The following TNS3 variants were observed in gnomAD, a reference collection of about 807,000 sequenced individuals.
The protein encoded by TNS3 is tensin 3.
In TNS3, 45 loss-of-function variants were observed where a neutral mutation model predicts 140.9. That is an observed-to-expected ratio of 0.32 (90% CI 0.25 to 0.41). The LOEUF is 0.41. Among genes scored for constraint, TNS3 ranks in the 10% least tolerant of loss-of-function variants. TNS3 has a pLI of 1.00. For synonymous variants in TNS3, 815 were observed against 788.4 expected (o/e 1.03, Z -0.56); for missense variants, 1,716 against 1,906.7 (o/e 0.90, Z 1.86).
intron 1 of TNS3, chr7:47,539,597 A>G (rs1425274536): frequency 6.1e-6 from 1 of 165,232 alleles, no homozygotes; most frequent in African/African-American, 2.4e-5. Context: ...GCAGTTTCCC[A>G]TTCTCCTTTC....
At chr7:47,567,683 C>CA (rs57071957) in intron 1 of TNS3, among the ~76,000 whole-genome samples, 8,900 of 84,484 alleles carry the variant, frequency 0.11, 1,041 homozygotes, top group African/African-American at 0.29. Flanking sequence ...GACTCGGTCT[C>CA]AAAAAAAAAA....
intron 17 of TNS3, among the ~76,000 whole-genome samples, chr7:47,363,985 C>T (rs1191800054): frequency 1.3e-5 from 2 of 152,240 alleles, no homozygotes; most frequent in Non-Finnish European, 2.9e-5. Flanking sequence ...GGATCTAGGA[C>T]ACCTTCAAAG....
intron 20 of TNS3, among the ~76,000 whole-genome samples, chr7:47,319,266 C>G (rs557131990): frequency 7.2e-4 from 109 of 152,324 alleles, no homozygotes; most frequent in Admixed American, 1.1e-3. Flanking sequence ...CATTGATGTG[C>G]ACTCTGCACA....
chr7:47,297,281 C>A, intron 23 of TNS3, 68 bp from the exon 24 acceptor site: 3 of 1,525,316 alleles, frequency 2.0e-6, no homozygotes, highest in Non-Finnish European at 2.6e-6. Flanking sequence ...CACTCATAAC[C>A]TTGGGTAGGT....
At chr7:47,483,550 G>A (rs1402909185) in intron 3 of TNS3, among the ~76,000 whole-genome samples, 1 of 152,178 alleles carries the variant, frequency 6.6e-6, no homozygotes, top group African/African-American at 2.4e-5. Flanking sequence ...CTCTCTGGAA[G>A]CACACGTTTG....
chr7:47,278,369 G>T, intron 30 of TNS3, 149 bp from the exon 31 acceptor site: 1 of 828,072 alleles, frequency 1.2e-6, no homozygotes, highest in African/African-American at 1.7e-5. Flanking sequence ...CTGGCCACCT[G>T]TTCATGCACT....
intron 4 of TNS3, among the ~76,000 whole-genome samples, chr7:47,445,787 A>G (rs1271548044): frequency 6.6e-6 from 1 of 152,200 alleles, no homozygotes; most frequent in African/African-American, 2.4e-5. Flanking sequence ...CAGGCCCCAT[A>G]CTGAACTGGA....
At chr7:47,314,713 G>A (rs929049636) in intron 20 of TNS3, among the ~76,000 whole-genome samples, 1 of 152,206 alleles carries the variant, frequency 6.6e-6, no homozygotes, top group African/African-American at 2.4e-5. Context: ...TCAGGTGCCT[G>A]TATCCTCAGC....
intron 16 of TNS3, among the ~76,000 whole-genome samples, chr7:47,388,994 A>C (rs373926684): frequency 0.02 from 390 of 19,870 alleles, 45 homozygotes; most frequent in Non-Finnish European, 0.11. Context: ...GAGGAAGAAG[A>C]AGAAGAAGGA....
At chr7:47,538,488 C>A (rs988248875) in intron 1 of TNS3, among the ~76,000 whole-genome samples, 1 of 152,158 alleles carries the variant, frequency 6.6e-6, no homozygotes, top group East Asian at 1.9e-4. Flanking sequence ...AACTTCAGAT[C>A]TACAGCTCCA....
intron 20 of TNS3, among the ~76,000 whole-genome samples, chr7:47,317,850 C>T (rs1787499908): frequency 1.3e-5 from 2 of 152,166 alleles, no homozygotes; most frequent in African/African-American, 2.4e-5. Flanking sequence ...GAGACCCACC[C>T]GCTGAGTGGC....
At chr7:47,576,620 G>C (rs1308950747) in intron 1 of TNS3, among the ~76,000 whole-genome samples, 2 of 152,238 alleles carry the variant, frequency 1.3e-5, no homozygotes, top group African/African-American at 4.8e-5. Flanking sequence ...TGCAGAGCCA[G>C]CCCGGCGCTC....
rs371905169 is a variant in TNS3 at position 47,280,288 on chromosome 7, C to T, written c.4164G>A (p.Arg1388=). 70 of 1,614,022 alleles carry T rather than the reference C, an allele frequency of 4.3e-5. No individual in the cohort carries two copies. Among genetic ancestry groups the T allele is most frequent in the Non-Finnish European group, 5.7e-5 (67 of 1,180,032 alleles). ...VIFCALDPQD[R]KWIKDGPSSK... ...CAATAAAAATGCAAATTTCTTACTT[C>T]CTGTCTTGTGGGTCCAAGGCACAGA... The change falls in exon 29 of 31, where the codon AGG becomes AGA. Residue 1388 remains arginine, a splice_region_variant and synonymous_variant. Coordinates refer to ENST00000311160, the MANE Select transcript of TNS3 (RefSeq NM_022748.12).
intron 4 of TNS3, among the ~76,000 whole-genome samples, chr7:47,457,059 G>A (rs1378575384): frequency 6.8e-6 from 1 of 147,534 alleles, no homozygotes; most frequent in African/African-American, 2.5e-5. Flanking sequence ...AAAATATTCA[G>A]TGTGGGCTCA....
chr7:47,563,916 G>C (rs188842233), intron 1 of TNS3, among the ~76,000 whole-genome samples: 3 of 152,248 alleles, frequency 2.0e-5, no homozygotes, highest in Non-Finnish European at 4.4e-5. Flanking sequence ...ATTTAAGGCC[G>C]GGCGCGGTGG....
At chr7:47,359,839 A>AC (rs1049149363) in intron 17 of TNS3, among the ~76,000 whole-genome samples, 15 of 152,204 alleles carry the variant, frequency 9.9e-5, no homozygotes, top group African/African-American at 3.6e-4. Flanking sequence ...TTGGGCCTGA[A>AC]CCAGTGAAGG....
At chr7:47,341,788 G>C (rs933587519) in intron 20 of TNS3, among the ~76,000 whole-genome samples, 2 of 151,492 alleles carry the variant, frequency 1.3e-5, no homozygotes, top group Admixed American at 1.3e-4. Context: ...CTTTTTCTAG[G>C]TTATGGAGGT....
Position 47,405,864 on chromosome 7 carries a change from G to A in TNS3, c.724-4950C>T, listed in dbSNP as rs528663749. 2.4e-4 allele frequency among the ~76,000 whole-genome samples: 37 copies of A among 152,176 alleles called. No individual in the cohort carries two copies. The South Asian group carries it at 7.1e-3, about 29-fold the overall frequency. On this transcript the variant is annotated intron_variant, in intron 13 of 30. Coordinates refer to ENST00000311160, the MANE Select transcript of TNS3 (RefSeq NM_022748.12). The stretch of plus-strand genomic sequence containing the variant: ...CAGGCAACACCTTTGTTTACAAGTC[G>A]GGTCACTGGAGCGAGGTTCTAGAGC...
At chr7:47,398,125 C>A (rs1392277774) in intron 15 of TNS3, among the ~76,000 whole-genome samples, 1 of 152,004 alleles carries the variant, frequency 6.6e-6, no homozygotes, top group Non-Finnish European at 1.5e-5. Flanking sequence ...AAATAGAAAC[C>A]CTGAACAGAC....
Sources: allele counts gnomAD v4.1 joint callset (sites outside exome capture counted in the v4.1 genomes callset), GRCh38; gene constraint gnomAD v4.1.1; transcripts MANE v1.5; gene names NCBI Gene and HGNC (gene_info 2026-07-23, HGNC 2026-07-21).